PBX4: variants seen among roughly 807,000 people sequenced by gnomAD.
PBX4 encodes the protein pre-B-cell leukemia transcription factor 4.
PBX4 carries 26 observed loss-of-function variants against 35.1 expected under a neutral mutation model. The ratio of observed to expected loss-of-function variants is 0.74; its 90% CI spans 0.54 to 1.03. PBX4 has a LOEUF of 1.03. PBX4 is among the 50% of genes least tolerant of loss of function. The probability of loss-of-function intolerance (pLI) is 0.00; values close to 1 mark genes in which losing one functional copy is unlikely to be tolerated. For synonymous variants in PBX4, 199 were observed against 204.2 expected (o/e 0.97, Z 0.22); for missense variants, 448 against 504.3 (o/e 0.89, Z 1.07).
At chr19:19,613,473 A>AAAG (rs1485378512) in intron 1 of PBX4, among the ~76,000 whole-genome samples, 21 of 143,438 alleles carry the variant, frequency 1.5e-4, no homozygotes, top group Non-Finnish European at 2.8e-4. Context: ...AAAAAAAAAA[A>AAAG]GTAACTGGCT....
chr19:19,615,825 G>A (rs1352944890), intron 1 of PBX4, among the ~76,000 whole-genome samples: 1 of 152,162 alleles, frequency 6.6e-6, no homozygotes, highest in Non-Finnish European at 1.5e-5. Context: ...GGGAGGCAGA[G>A]GTTGCAGTGA....
intron 2 of PBX4, among the ~76,000 whole-genome samples, chr19:19,582,156 C>G (rs564117874): frequency 6.6e-6 from 1 of 152,294 alleles, no homozygotes; most frequent in South Asian, 2.1e-4. Context: ...GCTGCACACT[C>G]CTCTCACCTC....
intron 5 of PBX4, among the ~76,000 whole-genome samples, chr19:19,566,419 A>G (rs1388801482): frequency 6.6e-6 from 1 of 152,238 alleles, no homozygotes; most frequent in African/African-American, 2.4e-5. Context: ...AGGCATGGAG[A>G]CGTCCATCCA....
At chr19:19,594,483 TG>T (rs2061549326) in intron 2 of PBX4, among the ~76,000 whole-genome samples, 1 of 151,358 alleles carries the variant, frequency 6.6e-6, no homozygotes, top group Non-Finnish European at 1.5e-5. Flanking sequence ...GCGGTTGAAA[TG>T]GACAGACATC....
intron 1 of PBX4, among the ~76,000 whole-genome samples, chr19:19,610,060 G>C (rs1243295054): frequency 6.6e-6 from 1 of 152,142 alleles, no homozygotes; most frequent in Non-Finnish European, 1.5e-5. Context: ...CATTAATAAA[G>C]CTATTTCAAA....
chr19:19,579,674 T>C (rs1303029451), intron 2 of PBX4, among the ~76,000 whole-genome samples: 1 of 152,214 alleles, frequency 6.6e-6, no homozygotes, highest in East Asian at 1.9e-4. Flanking sequence ...CCCTCGGGTC[T>C]GCCACTTTCC....
chr19:19,561,919 A>G lies in PBX4; in HGVS notation c.*106T>C. On this transcript the variant is annotated 3_prime_UTR_variant, in exon 8 of 8. Coordinates refer to ENST00000251203, the MANE Select transcript of PBX4 (RefSeq NM_025245.3). The stretch of plus-strand genomic sequence containing the variant: ...GGAGCAGGGGCTCATGGGCACCACC[A>G]CCCATCTGGGTTTTCTGAGGTCGTC... The G allele has an allele frequency of 1.1e-6, 1 of 918,970 alleles. No homozygotes were observed. 56.9% of individuals were successfully genotyped at this position (918,970 alleles called of 1,614,324 possible). A position where few individuals can be genotyped will look rare whatever the true frequency, so the allele number is the denominator to read the frequency against.
chr19:19,613,730 C>T (rs1332091632), intron 1 of PBX4, among the ~76,000 whole-genome samples: 2 of 152,178 alleles, frequency 1.3e-5, no homozygotes, highest in South Asian at 2.1e-4. Context: ...TTTCCCAACT[C>T]CTACTAATCC....
chr19:19,612,249 C>T (rs1399714203), intron 1 of PBX4, among the ~76,000 whole-genome samples: 2 of 151,958 alleles, frequency 1.3e-5, no homozygotes, highest in East Asian at 1.9e-4. Flanking sequence ...TGTATCCCAG[C>T]GAGGGCAACA....
chr19:19,615,187 A>C (rs1024391598), intron 1 of PBX4, among the ~76,000 whole-genome samples: 1 of 150,550 alleles, frequency 6.6e-6, no homozygotes, highest in Non-Finnish European at 1.5e-5. Flanking sequence ...AAAAAAAAAA[A>C]AAAAGAAAGA....
chr19:19,614,485 A>G (rs1481466270), intron 1 of PBX4, among the ~76,000 whole-genome samples: 1 of 149,610 alleles, frequency 6.7e-6, no homozygotes, highest in Non-Finnish European at 1.5e-5. Flanking sequence ...AATACAAAAA[A>G]CTAGCCAGGT....
chr19:19,594,548 C>A (rs2061549746), intron 2 of PBX4, among the ~76,000 whole-genome samples: 1 of 152,100 alleles, frequency 6.6e-6, no homozygotes, highest in Admixed American at 6.6e-5. Flanking sequence ...CCTGAAACTG[C>A]TGAATTTGAG....
intron 1 of PBX4, 148 bp from the exon 2 acceptor site, chr19:19,599,513 A>G: frequency 1.5e-6 from 1 of 652,532 alleles, no homozygotes. Context: ...ATGCAGTACA[A>G]TCATATTTCA....
chr19:19,570,151 C>T lies in PBX4; in HGVS notation c.590G>A (p.Cys197Tyr). Residue 197 changes from cysteine (C) to tyrosine (Y), a missense_variant, in exon 4 of 8, where the codon TGT becomes TAT. Cys to Tyr is a radical substitution (Grantham distance 194, BLOSUM62 -2). Transcript: ENST00000251203. Reference sequence around the variant, plus strand: ...CGAACGCAGGGTCATCACTGCCTCACAGGTGCTCTGCTTCAACTGCATCTG... The same window carrying T: ...CGAACGCAGGGTCATCACTGCCTCATAGGTGCTCTGCTTCAACTGCATCTG... ...AIQMQLKQST[C>Y]EAVMTLRSRL... The T allele has an allele frequency of 6.2e-7, 1 of 1,613,224 alleles. No homozygotes were observed. Among genetic ancestry groups the T allele is most frequent in the Non-Finnish European group, 8.5e-7 (1 of 1,179,592 alleles).
At chr19:19,589,417 G>C (rs2061512336) in intron 2 of PBX4, among the ~76,000 whole-genome samples, 1 of 151,834 alleles carries the variant, frequency 6.6e-6, no homozygotes, top group Non-Finnish European at 1.5e-5. Context: ...CTGGGCAACT[G>C]AGCGAGACTC....
rs143355427 is a variant in PBX4 at position 19,593,438 on chromosome 19, G to C, written c.193+5854C>G. Among the ~76,000 whole-genome samples, 11 of 152,280 alleles carry C rather than the reference G, an allele frequency of 7.2e-5. 1 individual carries two copies. Among genetic ancestry groups the C allele is most frequent in the African/African-American group, 2.2e-4 (9 of 41,572 alleles). ...CTGAGACTTGGCCATTCCTAGTCAC[G>C]GGATGAGGACAGATGGAGCAGAATC... On this transcript the variant is annotated intron_variant, in intron 2 of 7. Coordinates refer to ENST00000251203, the MANE Select transcript of PBX4 (RefSeq NM_025245.3).
chr19:19,573,342 C>T (rs1394983641), intron 2 of PBX4, among the ~76,000 whole-genome samples: 2 of 149,850 alleles, frequency 1.3e-5, no homozygotes, highest in Admixed American at 6.7e-5. Flanking sequence ...CACACACACA[C>T]ACACACACAC....
rs543290191 is a variant in PBX4, at chr19:19,605,990, A to C, written c.120-6625T>G. ...GAAAACAAGTTCCCAAGCTTTGAGC[A>C]TGTCTTTGAGCTAGCAGTGATCAAG... On this transcript the variant is annotated intron_variant, in intron 1 of 7. Coordinates refer to ENST00000251203, the MANE Select transcript of PBX4 (RefSeq NM_025245.3). Among the ~76,000 whole-genome samples, 8 of 152,238 alleles carry C rather than the reference A, an allele frequency of 5.3e-5. No homozygotes were observed. In the East Asian group the frequency reaches 1.5e-3, roughly 29 times the overall value.
At chr19:19,565,974 G>A (rs1015599778) in intron 5 of PBX4, among the ~76,000 whole-genome samples, 5 of 151,824 alleles carry the variant, frequency 3.3e-5, no homozygotes, top group South Asian at 2.1e-4. Flanking sequence ...TGTTGCCCAG[G>A]CTGGTCTCAA....
Sources: allele counts gnomAD v4.1 joint callset (sites outside exome capture counted in the v4.1 genomes callset), GRCh38; gene constraint gnomAD v4.1.1; transcripts MANE v1.5; gene names NCBI Gene and HGNC (gene_info 2026-07-23, HGNC 2026-07-21).